The following DOCK9 variants were observed in gnomAD, a reference collection of about 807,000 sequenced individuals.
The protein encoded by DOCK9 is dedicator of cytokinesis 9, also known as dedicator of cytokinesis protein 9.
DOCK9 carries 89 observed loss-of-function variants against 263.3 expected under a neutral mutation model. The observed-to-expected ratio is 0.34, with a 90% CI of 0.28 to 0.40. DOCK9 has a LOEUF of 0.40. DOCK9 is among the 10% of genes least tolerant of loss of function. The pLI is 1.00. For missense variants in DOCK9, 2,140 were observed against 2,603.4 expected, an observed-to-expected ratio of 0.82 and a Z score of 3.87; for synonymous variants, 976 against 973.1, an observed-to-expected ratio of 1.00 and a Z score of -0.06.
chr13:99,067,452 T>C (rs2041470772), intron 1 of DOCK9, among the ~76,000 whole-genome samples: 1 of 152,106 alleles, frequency 6.6e-6, no homozygotes, highest in Non-Finnish European at 1.5e-5. Context: ...CCTGAGAATG[T>C]GGAAAAAGAT....
At position 98,805,118 on chromosome 13, in the gene DOCK9, T is replaced by C. The variant is rs772624782; in HGVS notation, c.5606A>G (p.Lys1869Arg). The C allele has an allele frequency of 6.2e-7, 1 of 1,611,008 alleles. No individual in the cohort carries two copies. Among genetic ancestry groups the C allele is most frequent in the East Asian group, 2.2e-5 (1 of 44,832 alleles). Residue 1869 changes from lysine to arginine, a missense_variant, in exon 49 of 53, where the codon AAA becomes AGA. Physicochemically the swap from Lys to Arg is conservative, Grantham distance 26. This residue lies in a region of DOCK9 where 619 missense variants were observed against 861.8 expected (regional missense o/e 0.72). Transcript: ENST00000682017. The stretch of plus-strand genomic sequence containing the variant: ...GTTGTGGGATCTCTCAAACTCTGTT[T>C]TCCTTTCTTGCAACTCTTTTTCGTC... ...FFDEKELQERKTEFERSHNIR... is the reference protein window; with the variant it reads ...FFDEKELQERRTEFERSHNIR...
chr13:99,001,666 G>A (rs1595876782), intron 1 of DOCK9, among the ~76,000 whole-genome samples: 1 of 152,166 alleles, frequency 6.6e-6, no homozygotes, highest in Non-Finnish European at 1.5e-5. Flanking sequence ...GGAGGACTTG[G>A]GGCCTTTCTG....
chr13:98,848,689 T>G, intron 36 of DOCK9, 50 bp from the exon 37 acceptor site: 1 of 1,546,400 alleles, frequency 6.5e-7, no homozygotes, highest in Non-Finnish European at 8.8e-7. Context: ...TAAAATTATT[T>G]TCGGGACGTT....
At chr13:98,921,811 T>A (rs1259443651) in intron 6 of DOCK9, among the ~76,000 whole-genome samples, 1 of 152,180 alleles carries the variant, frequency 6.6e-6, no homozygotes, top group Admixed American at 6.5e-5. Flanking sequence ...TGTCAGTGTC[T>A]GCACCTTCAC....
intron 1 of DOCK9, among the ~76,000 whole-genome samples, chr13:98,991,001 G>A (rs1249825804): frequency 6.6e-6 from 1 of 152,122 alleles, no homozygotes; most frequent in Admixed American, 6.5e-5. Flanking sequence ...ACAAGGTTTG[G>A]GAAATAAGGA....
intron 1 of DOCK9, among the ~76,000 whole-genome samples, chr13:99,082,199 G>A (rs773884314): frequency 1.1e-4 from 16 of 152,022 alleles, no homozygotes; most frequent in Non-Finnish European, 2.2e-4. Flanking sequence ...CAGCCTGGGT[G>A]ACAGATTAAG....
chr13:98,885,957 T>G (rs1188482163), intron 19 of DOCK9, 126 bp from the exon 20 acceptor site: 30 of 851,516 alleles, frequency 3.5e-5, no homozygotes, highest in Non-Finnish European at 2.7e-5. Flanking sequence ...TATTAACATT[T>G]GCACTCAAAG....
chr13:98,927,756 G>A (rs767196891), intron 3 of DOCK9, among the ~76,000 whole-genome samples: 2 of 151,972 alleles, frequency 1.3e-5, no homozygotes, highest in Non-Finnish European at 2.9e-5. Context: ...GAGTAGCTGG[G>A]ATTACAGGCG....
intron 1 of DOCK9, among the ~76,000 whole-genome samples, chr13:99,031,779 G>C (rs1000688923): frequency 6.6e-6 from 1 of 152,194 alleles, no homozygotes; most frequent in African/African-American, 2.4e-5. Flanking sequence ...CTTGCTTCAT[G>C]TTCCACCTTC....
At chr13:98,878,860 C>T (rs887959015) in intron 27 of DOCK9, among the ~76,000 whole-genome samples, 8 of 152,194 alleles carry the variant, frequency 5.3e-5, no homozygotes, top group African/African-American at 1.7e-4. Context: ...AAGGCTTCCT[C>T]GGAGAGCCCA....
chr13:98,813,321 TC>T (rs1185249989), intron 45 of DOCK9, among the ~76,000 whole-genome samples: 4 of 152,242 alleles, frequency 2.6e-5, no homozygotes, highest in African/African-American at 9.6e-5. Context: ...ATTCAGTCTT[TC>T]ACAATTAAAT....
At chr13:98,841,616 A>AT (rs763770697) in intron 38 of DOCK9, among the ~76,000 whole-genome samples, 2,496 of 137,338 alleles carry the variant, frequency 0.018, 22 homozygotes, top group Non-Finnish European at 0.026. Flanking sequence ...TATGAACAAA[A>AT]TTTTTTTTTT....
chr13:98,796,210 C>G (rs760519615), intron 52 of DOCK9: 24 of 1,587,004 alleles, frequency 1.5e-5, no homozygotes, highest in Non-Finnish European at 1.9e-5. Context: ...CATTACCATC[C>G]CAGCTGAACG....
chr13:99,014,481 T>A (rs886254524), intron 1 of DOCK9, among the ~76,000 whole-genome samples: 1 of 152,150 alleles, frequency 6.6e-6, no homozygotes, highest in Non-Finnish European at 1.5e-5. Flanking sequence ...AGACCCTCCA[T>A]AAAATGCATC....
At chr13:98,972,061 T>C (rs1302829211) in intron 1 of DOCK9, among the ~76,000 whole-genome samples, 6 of 152,214 alleles carry the variant, frequency 3.9e-5, no homozygotes, top group Admixed American at 2.6e-4. Flanking sequence ...TGTGTCCAGG[T>C]ATGGATTTTA....
At chr13:99,030,836 G>A (rs1307610145) in intron 1 of DOCK9, among the ~76,000 whole-genome samples, 1 of 152,182 alleles carries the variant, frequency 6.6e-6, no homozygotes. Flanking sequence ...GAACTCTGAA[G>A]ACAGAACCAC....
At chr13:98,817,024 A>G (rs1198134931) in intron 45 of DOCK9, among the ~76,000 whole-genome samples, 1 of 152,228 alleles carries the variant, frequency 6.6e-6, no homozygotes, top group Admixed American at 6.5e-5. Flanking sequence ...ATCAACCACC[A>G]TAACAGACAA....
intron 2 of DOCK9, among the ~76,000 whole-genome samples, chr13:98,945,204 C>T (rs888772417): frequency 4.6e-5 from 7 of 152,194 alleles, no homozygotes; most frequent in African/African-American, 1.4e-4. Context: ...CCCTTAACTT[C>T]GTATTTCAAT....
At chr13:98,861,244 C>T (rs9513499) in intron 32 of DOCK9, among the ~76,000 whole-genome samples, 13,951 of 152,056 alleles carry the variant, frequency 0.092, 949 homozygotes, top group African/African-American at 0.18. Context: ...GCTATACACA[C>T]GGCTCAGCTC....
Sources: allele counts gnomAD v4.1 joint callset (sites outside exome capture counted in the v4.1 genomes callset), GRCh38; gene constraint gnomAD v4.1.1; regional missense constraint gnomAD v4.1.1; transcripts MANE v1.5; gene names NCBI Gene and HGNC (gene_info 2026-07-23, HGNC 2026-07-21).